Variants in PDZRN4 observed in about 807,000 individuals in gnomAD.
The protein encoded by PDZRN4 is PDZ domain-containing RING finger protein 4.
Under a neutral mutation model 99.0 loss-of-function variants are expected in PDZRN4, and 70 were observed. The observed-to-expected ratio is 0.71, with a 90% CI of 0.58 to 0.86. The LOEUF is 0.86. PDZRN4 is among the 40% of genes least tolerant of loss of function. The pLI, the probability that PDZRN4 is intolerant of heterozygous loss-of-function variation, is 0.00. For missense variants in PDZRN4, 1,474 were observed against 1,331.2 expected, an observed-to-expected ratio of 1.11 and a Z score of -1.67; for synonymous variants, 551 against 501.6, an observed-to-expected ratio of 1.10 and a Z score of -1.32.
At chr12:41,355,208 G>A (rs1047982187) in intron 3 of PDZRN4, among the ~76,000 whole-genome samples, 3 of 152,082 alleles carry the variant, frequency 2.0e-5, no homozygotes, top group Non-Finnish European at 2.9e-5. Flanking sequence ...GTGAACAGAT[G>A]ATGCTGCAAG....
chr12:41,386,086 G>A (rs532508599), intron 3 of PDZRN4, among the ~76,000 whole-genome samples: 3 of 152,134 alleles, frequency 2.0e-5, no homozygotes, highest in Admixed American at 6.6e-5. Context: ...CTCAATAGGT[G>A]CAGAAAAGTC....
intron 3 of PDZRN4, among the ~76,000 whole-genome samples, chr12:41,491,548 A>G (rs1298577073): frequency 6.6e-6 from 1 of 152,070 alleles, no homozygotes; most frequent in Non-Finnish European, 1.5e-5. Context: ...AAAAATAAAA[A>G]ACAAAAACCA....
At chr12:41,293,789 T>C (rs1049159934) in intron 3 of PDZRN4, among the ~76,000 whole-genome samples, 1 of 152,218 alleles carries the variant, frequency 6.6e-6, no homozygotes, top group Non-Finnish European at 1.5e-5. Flanking sequence ...AATTAATTTC[T>C]GTAGTGTTTC....
At chr12:41,223,971 G>A (rs1296653020) in intron 3 of PDZRN4, among the ~76,000 whole-genome samples, 1 of 152,236 alleles carries the variant, frequency 6.6e-6, no homozygotes, top group Non-Finnish European at 1.5e-5. Context: ...AGAGGCCTCT[G>A]ACCAGAAGGG....
intron 3 of PDZRN4, among the ~76,000 whole-genome samples, chr12:41,491,686 C>G (rs1342266336): frequency 6.6e-6 from 1 of 152,100 alleles, no homozygotes; most frequent in Non-Finnish European, 1.5e-5. Context: ...AAAGACAAGA[C>G]TATCTTCTGC....
At chr12:41,564,835 C>T (rs866160199) in intron 8 of PDZRN4, among the ~76,000 whole-genome samples, 15 of 152,102 alleles carry the variant, frequency 9.9e-5, no homozygotes, top group Middle Eastern at 3.4e-3. Context: ...TCGCTGCTCC[C>T]ATTTTCTTCA....
chr12:41,362,910 C>T (rs1294844136), intron 3 of PDZRN4, among the ~76,000 whole-genome samples: 3 of 152,248 alleles, frequency 2.0e-5, no homozygotes, highest in African/African-American at 4.8e-5. Context: ...GGCCATAAAA[C>T]AGCAACTTGC....
intron 3 of PDZRN4, among the ~76,000 whole-genome samples, chr12:41,239,814 G>A (rs955357600): frequency 2.0e-5 from 3 of 152,238 alleles, no homozygotes; most frequent in South Asian, 4.1e-4. Flanking sequence ...GTGTAATGTA[G>A]GATTTTGAAG....
chr12:41,191,310 A>T (rs1424440737), intron 1 of PDZRN4, 148 bp from the exon 2 acceptor site: 3 of 588,046 alleles, frequency 5.1e-6, no homozygotes, highest in Non-Finnish European at 8.9e-6. Flanking sequence ...GGAAAATGTC[A>T]ACCTTCTGCC....
intron 3 of PDZRN4, among the ~76,000 whole-genome samples, chr12:41,323,765 C>T (rs1032603752): frequency 4.0e-5 from 6 of 151,664 alleles, no homozygotes; most frequent in African/African-American, 1.5e-4. Flanking sequence ...ATTTTCTGCA[C>T]ATTTATATGG....
chr12:41,196,906 T>C (rs10879842), intron 3 of PDZRN4, among the ~76,000 whole-genome samples: 10,941 of 152,142 alleles, frequency 0.072, 524 homozygotes, highest in East Asian at 0.12. Flanking sequence ...TTTCAAATGG[T>C]CATGCTGATT....
intron 6 of PDZRN4, among the ~76,000 whole-genome samples, chr12:41,553,986 T>C (rs1047444319): frequency 1.3e-5 from 2 of 152,180 alleles, no homozygotes; most frequent in African/African-American, 4.8e-5. Context: ...ATGTAATTAA[T>C]GCATTTAGAA....
chr12:41,229,462 G>A (rs1174914168), intron 3 of PDZRN4, among the ~76,000 whole-genome samples: 2 of 152,040 alleles, frequency 1.3e-5, no homozygotes, highest in Non-Finnish European at 2.9e-5. Flanking sequence ...TGCATTTCAA[G>A]TAAGCATGAG....
intron 3 of PDZRN4, among the ~76,000 whole-genome samples, chr12:41,426,492 A>T (rs1745907922): frequency 2.6e-5 from 4 of 152,218 alleles, no homozygotes; most frequent in Admixed American, 2.6e-4. Flanking sequence ...CCTCATGGGA[A>T]GAGTATATCT....
chr12:41,469,605 T>C (rs1952965509), intron 3 of PDZRN4, among the ~76,000 whole-genome samples: 1 of 152,176 alleles, frequency 6.6e-6, no homozygotes, highest in Non-Finnish European at 1.5e-5. Flanking sequence ...AGTGTGTCTG[T>C]TAATTCTGCA....
At chr12:41,429,931 T>C (rs867417365) in intron 3 of PDZRN4, among the ~76,000 whole-genome samples, 3 of 152,184 alleles carry the variant, frequency 2.0e-5, no homozygotes, top group Middle Eastern at 6.8e-3. Flanking sequence ...TAGCATTCAG[T>C]GGAAACCCTA....
At chr12:41,203,258 A>C (rs1950828831) in intron 3 of PDZRN4, among the ~76,000 whole-genome samples, 1 of 152,034 alleles carries the variant, frequency 6.6e-6, no homozygotes, top group African/African-American at 2.4e-5. Flanking sequence ...CAAAAGGAAC[A>C]CAGAATGAGT....
chr12:41,568,238 G>A lies in PDZRN4; in HGVS notation c.1584+339G>A, dbSNP rs539734160. ...ATATGCCAGCTGAAAACAAACTGAGGTAGCTTCCCCAATAAGTAATTTTTT... is the reference window on the plus strand; with the variant it reads ...ATATGCCAGCTGAAAACAAACTGAGATAGCTTCCCCAATAAGTAATTTTTT... On this transcript the variant is annotated intron_variant, in intron 9 of 9. Coordinates refer to ENST00000402685, the MANE Select transcript of PDZRN4 (RefSeq NM_001164595.2). Among the ~76,000 whole-genome samples, 475 of 152,110 alleles carry A rather than the reference G, an allele frequency of 3.1e-3. 2 individuals carry two copies. Among genetic ancestry groups the A allele is most frequent in the African/African-American group, 0.011 (438 of 41,494 alleles).
At chr12:41,447,366 A>T (rs76768635) in intron 3 of PDZRN4, among the ~76,000 whole-genome samples, 1 of 152,138 alleles carries the variant, frequency 6.6e-6, no homozygotes, top group South Asian at 2.1e-4. Flanking sequence ...GGCACATTGT[A>T]GTGTTACTGT....
Sources: allele counts gnomAD v4.1 joint callset (sites outside exome capture counted in the v4.1 genomes callset), GRCh38; gene constraint gnomAD v4.1.1; transcripts MANE v1.5; gene names NCBI Gene and HGNC (gene_info 2026-07-23, HGNC 2026-07-21).